The following ANOS1 variants were observed in gnomAD, a reference collection of about 807,000 sequenced individuals.
The protein encoded by ANOS1 is anosmin-1.
In ANOS1, 6 loss-of-function variants were observed where a neutral mutation model predicts 59.0. The ratio of observed to expected loss-of-function variants is 0.10; its 90% CI spans 0.06 to 0.20. The LOEUF is 0.20. ANOS1 is among the 10% of genes least tolerant of loss of function. The probability of loss-of-function intolerance (pLI) is 1.00; values close to 1 mark genes in which losing one functional copy is unlikely to be tolerated. For synonymous variants in ANOS1, 217 were observed against 223.4 expected, an observed-to-expected ratio of 0.97 and a Z score of 0.25; for missense variants, 433 against 542.3, an observed-to-expected ratio of 0.80 and a Z score of 2.00.
At chrX:8,574,492 G>T (rs766831034) in intron 6 of ANOS1, among the ~76,000 whole-genome samples, 1 of 111,147 alleles carries the variant, frequency 9.0e-6, no homozygotes, top group Admixed American at 9.6e-5. Context: ...ACTGGAAAAG[G>T]CAGACCCTCC....
intron 3 of ANOS1, among the ~76,000 whole-genome samples, chrX:8,608,148 A>G (rs758780792): frequency 5.4e-5 from 6 of 112,059 alleles, no homozygotes; most frequent in African/African-American, 1.9e-4. Context: ...TCTTCAAAAT[A>G]TTAAAGGAAG....
At chrX:8,647,031 C>T (rs957725350) in intron 2 of ANOS1, among the ~76,000 whole-genome samples, 1 of 109,201 alleles carries the variant, frequency 9.2e-6, no homozygotes, top group Non-Finnish European at 1.9e-5. Flanking sequence ...TACAATTTGT[C>T]GTGAGCATAG....
At chrX:8,551,549 G>C (rs1319022819) in intron 9 of ANOS1, among the ~76,000 whole-genome samples, 2 of 108,672 alleles carry the variant, frequency 1.8e-5, no homozygotes, top group African/African-American at 6.7e-5. Context: ...TAAGATAGGA[G>C]AATCGCTTGA....
intron 1 of ANOS1, among the ~76,000 whole-genome samples, chrX:8,713,000 C>T (rs772113713): frequency 1.8e-5 from 2 of 111,351 alleles, no homozygotes; most frequent in South Asian, 7.7e-4. Context: ...GACCCACTCT[C>T]TCTCCCTGAA....
intron 6 of ANOS1, among the ~76,000 whole-genome samples, chrX:8,578,849 C>CA (rs1220110451): frequency 2.7e-5 from 3 of 111,161 alleles, no homozygotes; most frequent in Non-Finnish European, 3.8e-5. Context: ...GGCAACATAT[C>CA]AAAAAAAATG....
chrX:8,567,395 G>A (rs1007688365), intron 8 of ANOS1, among the ~76,000 whole-genome samples: 3 of 111,693 alleles, frequency 2.7e-5, no homozygotes, highest in African/African-American at 6.5e-5. Flanking sequence ...ATCCACTCGC[G>A]TACATACAAA....
intron 2 of ANOS1, among the ~76,000 whole-genome samples, chrX:8,687,651 G>T (rs971009399): frequency 9.2e-6 from 1 of 108,486 alleles, no homozygotes; most frequent in Non-Finnish European, 1.9e-5. Flanking sequence ...AGAACATCAT[G>T]TTTTGAGTAG....
intron 6 of ANOS1, among the ~76,000 whole-genome samples, chrX:8,575,110 C>T (rs1009947539): frequency 8.9e-6 from 1 of 112,231 alleles, no homozygotes; most frequent in Non-Finnish European, 1.9e-5. Context: ...ATTTCAGTTT[C>T]AGGTTCAAAC....
At chrX:8,584,031 C>A (rs1930468200) in intron 6 of ANOS1, among the ~76,000 whole-genome samples, 1 of 111,605 alleles carries the variant, frequency 9.0e-6, no homozygotes, top group South Asian at 3.8e-4. Context: ...GGTGCCACTG[C>A]AACTCTTACA....
chrX:8,564,673 G>A (rs751136638), intron 8 of ANOS1, among the ~76,000 whole-genome samples: 3 of 111,726 alleles, frequency 2.7e-5, no homozygotes, highest in Non-Finnish European at 3.8e-5. Flanking sequence ...TCCACCACAT[G>A]CAGAAGGAAG....
At chrX:8,664,733 C>G (rs1218753108) in intron 2 of ANOS1, among the ~76,000 whole-genome samples, 1 of 111,240 alleles carries the variant, frequency 9.0e-6, no homozygotes, top group East Asian at 2.8e-4. Flanking sequence ...AAGGGTACCC[C>G]ACGGTCTCTG....
intron 3 of ANOS1, among the ~76,000 whole-genome samples, chrX:8,619,406 C>T (rs192422980): frequency 0.021 from 2,360 of 111,206 alleles, 23 homozygotes; most frequent in Middle Eastern, 0.038. Context: ...GAGATGGAGA[C>T]CATCCTGGCC....
chrX:8,722,638 T>C (rs975877359), intron 1 of ANOS1, among the ~76,000 whole-genome samples: 2 of 111,888 alleles, frequency 1.8e-5, no homozygotes, highest in African/African-American at 6.5e-5. Context: ...CACTCATTGA[T>C]TGATGGGAAT....
intron 3 of ANOS1, among the ~76,000 whole-genome samples, chrX:8,616,890 A>T: frequency 1.8e-5 from 2 of 112,350 alleles, no homozygotes. Context: ...TAAAGAATTG[A>T]CAACTTCCTT....
rs58053213 is a variant in ANOS1 at position 8,650,071 on chromosome X, T to C, written c.256-26401A>G. ...TGTTACTTGTGTCTACTGCTTATGA[T>C]AGTTTCCTGGGGGACCCATAAGTAG... is the stretch of plus-strand genomic sequence containing the variant. On this transcript the variant is annotated intron_variant, in intron 2 of 13. Transcript: ENST00000262648. Among the ~76,000 whole-genome samples, 700 of 112,991 alleles carry C rather than the reference T, an allele frequency of 6.2e-3. 3 individuals are homozygous for C. Among genetic ancestry groups the C allele is most frequent in the African/African-American group, 0.021 (661 of 31,189 alleles).
At chrX:8,558,440 T>C (rs1421517442) in intron 8 of ANOS1, among the ~76,000 whole-genome samples, 1 of 110,393 alleles carries the variant, frequency 9.1e-6, no homozygotes, top group East Asian at 2.8e-4. Flanking sequence ...TTCAAGTTAA[T>C]GAACCCCCCC....
At chrX:8,554,186 T>A in intron 8 of ANOS1, 88 bp from the exon 9 acceptor site, 1 of 718,201 alleles carries the variant, frequency 1.4e-6, no homozygotes, top group Admixed American at 2.5e-5. Context: ...AGCTCCATTA[T>A]GCAGCTTCCA....
intron 6 of ANOS1, among the ~76,000 whole-genome samples, chrX:8,572,678 T>C (rs1930252798): frequency 8.9e-6 from 1 of 111,819 alleles, no homozygotes; most frequent in Non-Finnish European, 1.9e-5. Context: ...TCAAATGGTA[T>C]TTCTGAGTCA....
At chrX:8,681,115 C>A (rs187134379) in intron 2 of ANOS1, among the ~76,000 whole-genome samples, 1 of 111,872 alleles carries the variant, frequency 8.9e-6, no homozygotes, top group South Asian at 3.8e-4. Context: ...TTCTCCTCTC[C>A]ACAATGTATT....
Sources: allele counts gnomAD v4.1 joint callset (sites outside exome capture counted in the v4.1 genomes callset), GRCh38; gene constraint gnomAD v4.1.1; transcripts MANE v1.5; gene names NCBI Gene and HGNC (gene_info 2026-07-23, HGNC 2026-07-21).